Variants in KCNB2 observed in about 807,000 individuals in gnomAD.
The protein encoded by KCNB2 is potassium voltage-gated channel subfamily B member 2, also known as delayed rectifier potassium channel protein.
Under a neutral mutation model 61.5 loss-of-function variants are expected in KCNB2, and 15 were observed. That is an observed-to-expected ratio of 0.24 (90% CI 0.16 to 0.38). KCNB2 has a LOEUF of 0.38. Ranked by LOEUF, KCNB2 falls within the 10% of genes least tolerant of loss-of-function variation. The pLI, the probability that KCNB2 is intolerant of heterozygous loss-of-function variation, is 1.00. For synonymous variants in KCNB2, 457 were observed against 446.0 expected (o/e 1.02, Z -0.31); for missense variants, 828 against 1,125.2 (o/e 0.74, Z 3.78).
At chr8:72,725,599 A>ATATATGTATGTGTG (rs1563572081) in intron 2 of KCNB2, among the ~76,000 whole-genome samples, 64 of 58,202 alleles carry the variant, frequency 1.1e-3, no homozygotes, top group Non-Finnish European at 2.1e-3. Flanking sequence ...ATGTATATAT[A>ATATATGTATGTGTG]TATATATATA....
intron 2 of KCNB2, among the ~76,000 whole-genome samples, chr8:72,882,329 C>T (rs1437253239): frequency 6.6e-6 from 1 of 152,104 alleles, no homozygotes; most frequent in African/African-American, 2.4e-5. Context: ...CAGGGGCTAC[C>T]CTTGGAATGC....
intron 2 of KCNB2, among the ~76,000 whole-genome samples, chr8:72,668,463 G>A (rs183756961): frequency 6.6e-6 from 1 of 152,248 alleles, no homozygotes; most frequent in Non-Finnish European, 1.5e-5. Context: ...GCTGGTCAAA[G>A]GTCAGACTGT....
At chr8:72,907,362 C>CA (rs1156607151) in intron 2 of KCNB2, among the ~76,000 whole-genome samples, 3 of 151,572 alleles carry the variant, frequency 2.0e-5, no homozygotes, top group Admixed American at 1.3e-4. Context: ...TCTCAAAAAA[C>CA]AAAAAACAAA....
chr8:72,843,857 T>C lies in KCNB2; in HGVS notation c.580-92078T>C. On this transcript the variant is annotated intron_variant, in intron 2 of 2. Transcript: ENST00000523207. ...TTGAACGTGAGATGGGTCTCCTGAA[T>C]ACAGCACACCAATGGGTCTTGACTC... 1.3e-5 allele frequency among the ~76,000 whole-genome samples: 2 copies of C among 152,192 alleles called. 1 individual carries two copies. Among genetic ancestry groups the C allele is most frequent in the Admixed American group, 1.3e-4 (2 of 15,276 alleles).
intron 2 of KCNB2, among the ~76,000 whole-genome samples, chr8:72,584,677 C>A (rs1370690339): frequency 6.6e-6 from 1 of 152,116 alleles, no homozygotes; most frequent in Non-Finnish European, 1.5e-5. Flanking sequence ...CAGCAAATAT[C>A]TTTGTAATTT....
At chr8:72,749,040 T>C (rs1051366081) in intron 2 of KCNB2, among the ~76,000 whole-genome samples, 1 of 152,214 alleles carries the variant, frequency 6.6e-6, no homozygotes, top group Non-Finnish European at 1.5e-5. Context: ...ATGTACATAA[T>C]GTGTATAGTA....
At chr8:72,916,966 G>A (rs1806413382) in intron 2 of KCNB2, among the ~76,000 whole-genome samples, 1 of 152,152 alleles carries the variant, frequency 6.6e-6, no homozygotes, top group Admixed American at 6.5e-5. Flanking sequence ...GCAGACCATG[G>A]GTGGTTTGAG....
At chr8:72,609,367 T>C (rs1192050090) in intron 2 of KCNB2, among the ~76,000 whole-genome samples, 1 of 152,252 alleles carries the variant, frequency 6.6e-6, no homozygotes, top group Admixed American at 6.5e-5. Context: ...TCAAGCTTTA[T>C]GTGATTCATA....
intron 2 of KCNB2, among the ~76,000 whole-genome samples, chr8:72,788,163 T>C (rs1808873404): frequency 6.6e-6 from 1 of 152,342 alleles, no homozygotes; most frequent in Middle Eastern, 3.4e-3. Flanking sequence ...AGATATTTTA[T>C]AGCGAAAATT....
intron 2 of KCNB2, among the ~76,000 whole-genome samples, chr8:72,601,178 G>A (rs1022132935): frequency 6.6e-6 from 1 of 152,088 alleles, no homozygotes; most frequent in Non-Finnish European, 1.5e-5. Context: ...ATTAACCCCA[G>A]TTTTAACTCT....
rs149552073 is a variant in KCNB2 at position 72,552,745 on chromosome 8, C to T, written c.-94+14860C>T. ...CTTGTTTCTGTCCACTGGCACTGTTCTTTATTGAGGGCATTTCTGTCTTTA... is the reference window on the plus strand; with the variant it reads ...CTTGTTTCTGTCCACTGGCACTGTTTTTTATTGAGGGCATTTCTGTCTTTA... On this transcript the variant is annotated intron_variant, in intron 1 of 2. Transcript: ENST00000523207. Among the ~76,000 whole-genome samples, 20 of 152,224 alleles carry T rather than the reference C, an allele frequency of 1.3e-4. No homozygotes were observed. In the East Asian group the frequency reaches 3.9e-3, roughly 29 times the overall value.
chr8:72,571,401 A>G (rs1467281640), intron 2 of KCNB2, among the ~76,000 whole-genome samples: 1 of 152,262 alleles, frequency 6.6e-6, no homozygotes, highest in Non-Finnish European at 1.5e-5. Context: ...AAAAAAGCCA[A>G]AACAGCATTT....
At chr8:72,637,547 G>A (rs893350003) in intron 2 of KCNB2, among the ~76,000 whole-genome samples, 5 of 152,208 alleles carry the variant, frequency 3.3e-5, no homozygotes, top group African/African-American at 1.2e-4. Flanking sequence ...TATAGAATGA[G>A]GAAATGTAAA....
intron 2 of KCNB2, among the ~76,000 whole-genome samples, chr8:72,901,551 TGAA>T (rs200071102): frequency 0.012 from 1,765 of 152,306 alleles, 109 homozygotes; most frequent in Admixed American, 0.11. Context: ...CTATAATCTA[TGAA>T]GATCCTAATT....
chr8:72,538,396 T>C (rs1286024369), intron 1 of KCNB2, among the ~76,000 whole-genome samples: 5 of 152,170 alleles, frequency 3.3e-5, no homozygotes, highest in Non-Finnish European at 7.3e-5. Context: ...GCTAGGGGAC[T>C]TGGGAATACG....
At position 72,937,611 on chromosome 8, in the gene KCNB2, C is replaced by T; in HGVS notation, c.2256C>T (p.Ile752=). 6.2e-7 allele frequency: 1 copy of T among 1,614,130 alleles called. No homozygotes were observed. Among genetic ancestry groups the T allele is most frequent in the South Asian group, 1.1e-5 (1 of 91,068 alleles). ...TTTCGCTCACTACCCCGCAGCACAT[C>T]AGTACCATCCTCTTAGAAGAAACCC... The part of the protein sequence containing the change: ...ADFSLTTPQH[I]STILLEETPS... Residue 752 remains isoleucine, a synonymous_variant, in exon 3 of 3, where the codon ATC becomes ATT. Coordinates refer to ENST00000523207, the MANE Select transcript of KCNB2 (RefSeq NM_004770.3).
chr8:72,882,769 T>C lies in KCNB2; in HGVS notation c.580-53166T>C, dbSNP rs190549928. Among the ~76,000 whole-genome samples, 107 of 152,224 alleles carry C rather than the reference T, an allele frequency of 7.0e-4. 1 individual carries two copies. The highest frequency in any genetic ancestry group is 2.5e-3 in the African/African-American group (104 of 41,548). Reference sequence around the variant, plus strand: ...AAATCCAGGAGAGGCTTGCTTCATGTTGCTCTTGTTGTTGTTTTGTGCTAC... The same window carrying C: ...AAATCCAGGAGAGGCTTGCTTCATGCTGCTCTTGTTGTTGTTTTGTGCTAC... On this transcript the variant is annotated intron_variant, in intron 2 of 2. Coordinates refer to ENST00000523207, the MANE Select transcript of KCNB2 (RefSeq NM_004770.3).
chr8:72,553,593 CCTA>C (rs1456903025), intron 1 of KCNB2, among the ~76,000 whole-genome samples: 2 of 151,952 alleles, frequency 1.3e-5, no homozygotes, highest in Non-Finnish European at 2.9e-5. Context: ...AATTTGGAAT[CCTA>C]CTTTTTTTTC....
At chr8:72,782,233 G>A (rs1017469142) in intron 2 of KCNB2, among the ~76,000 whole-genome samples, 6 of 152,120 alleles carry the variant, frequency 3.9e-5, no homozygotes, top group African/African-American at 1.4e-4. Context: ...TCCTCATATA[G>A]TGTTACTAAG....
Sources: allele counts gnomAD v4.1 joint callset (sites outside exome capture counted in the v4.1 genomes callset), GRCh38; gene constraint gnomAD v4.1.1; transcripts MANE v1.5; gene names NCBI Gene and HGNC (gene_info 2026-07-23, HGNC 2026-07-21).